The following MBD5 variants were observed in gnomAD, a reference collection of about 807,000 sequenced individuals.
The protein encoded by MBD5 is methyl-CpG-binding domain protein 5.
Under a neutral mutation model 117.3 loss-of-function variants are expected in MBD5, and 13 were observed. The ratio of observed to expected loss-of-function variants is 0.11; its 90% CI spans 0.07 to 0.18. The LOEUF is 0.18. MBD5 is among the 10% of genes least tolerant of loss of function. The probability of loss-of-function intolerance (pLI) is 1.00; values close to 1 mark genes in which losing one functional copy is unlikely to be tolerated. For missense variants in MBD5, 1,879 were observed against 2,093.8 expected (o/e 0.90, Z 2.00); for synonymous variants, 727 against 766.4 (o/e 0.95, Z 0.85).
intron 3 of MBD5, among the ~76,000 whole-genome samples, chr2:148,246,174 A>G (rs75703005): frequency 0.011 from 1,717 of 152,314 alleles, 13 homozygotes; most frequent in East Asian, 0.035. Context: ...CAGATTCTGT[A>G]TAAAGGAATA....
chr2:148,346,206 A>AGAAGAGGAAGAG (rs553570139), intron 4 of MBD5: 2 of 152,306 alleles, frequency 1.3e-5, no homozygotes, highest in African/African-American at 4.8e-5. Context: ...AAGAAGAAGA[A>AGAAGAGGAAGAG]GAAGAGGAAG....
intron 4 of MBD5, among the ~76,000 whole-genome samples, chr2:148,384,600 G>T (rs1265168044): frequency 6.6e-6 from 1 of 151,990 alleles, no homozygotes; most frequent in African/African-American, 2.4e-5. Flanking sequence ...TCATGGAATT[G>T]GAAAAAACTA....
intron 1 of MBD5, among the ~76,000 whole-genome samples, chr2:148,036,223 A>G (rs913374028): frequency 1.3e-5 from 2 of 152,136 alleles, no homozygotes; most frequent in Admixed American, 6.6e-5. Context: ...CTTTTAAAGT[A>G]TAGCAATAAG....
At chr2:148,432,228 G>A (rs1457636642) in intron 4 of MBD5, among the ~76,000 whole-genome samples, 1 of 150,796 alleles carries the variant, frequency 6.6e-6, no homozygotes, top group Non-Finnish European at 1.5e-5. Flanking sequence ...GTTGTTTCTT[G>A]TTCATCTGTT....
chr2:148,211,710 A>C (rs1265843023), intron 2 of MBD5, among the ~76,000 whole-genome samples: 1 of 152,172 alleles, frequency 6.6e-6, no homozygotes, highest in Non-Finnish European at 1.5e-5. Context: ...GGCTTATTTT[A>C]AATACTTTAA....
rs56740583 is a variant in MBD5 at position 148,424,177 on chromosome 2, C to CAAAAAAAAAAAAAAA, written c.-556-34001_-556-33987dup. Among the ~76,000 whole-genome samples, 19 of 53,462 alleles carry CAAAAAAAAAAAAAAA rather than the reference C, an allele frequency of 3.6e-4. 2 individuals are homozygous for CAAAAAAAAAAAAAAA. The highest frequency in any genetic ancestry group is 9.2e-4 in the South Asian group (1 of 1,088). 35.1% of individuals were successfully genotyped at this position (53,462 alleles called of 152,430 possible). ...TGGGCAACAGAGCAAGACTCTGTCTCAAAAAAAAAAAAAAAAAAAAAAAAA... is the reference window on the plus strand; with the variant it reads ...TGGGCAACAGAGCAAGACTCTGTCTCAAAAAAAAAAAAAAAAAAAAAAAAAAAAAAAAAAAAAAAA... On this transcript the variant is annotated intron_variant, in intron 4 of 13. Coordinates refer to ENST00000642680, the MANE Select transcript of MBD5 (RefSeq NM_001378120.1).
intron 1 of MBD5, among the ~76,000 whole-genome samples, chr2:148,036,989 A>G (rs1282410170): frequency 4.0e-5 from 6 of 149,604 alleles, no homozygotes. Flanking sequence ...TTTTAAAGAG[A>G]TAATTATAAA....
chr2:148,031,906 A>C (rs761221434), intron 1 of MBD5, among the ~76,000 whole-genome samples: 61 of 152,292 alleles, frequency 4.0e-4, no homozygotes, highest in Non-Finnish European at 6.9e-4. Context: ...AAATGCTGAA[A>C]GTAACAAAGG....
intron 4 of MBD5, among the ~76,000 whole-genome samples, chr2:148,375,100 C>T (rs148741938): frequency 2.0e-5 from 3 of 152,224 alleles, no homozygotes; most frequent in African/African-American, 7.2e-5. Context: ...TAATACAAGT[C>T]ATCAATGAAA....
intron 4 of MBD5, chr2:148,346,482 G>A (rs1313570438): frequency 6.6e-6 from 1 of 151,956 alleles, no homozygotes; most frequent in African/African-American, 2.4e-5. Flanking sequence ...TTTCTCTATA[G>A]TTTTGTCAAC....
chr2:148,288,027 C>A (rs1187051717), intron 3 of MBD5, among the ~76,000 whole-genome samples: 1 of 150,812 alleles, frequency 6.6e-6, no homozygotes, highest in Non-Finnish European at 1.5e-5. Context: ...AATAACTCAT[C>A]AACTATGGCA....
rs142515288 is a variant in MBD5 at position 148,382,397 on chromosome 2, A to G, written c.-557+40061A>G. Among the ~76,000 whole-genome samples, 1,360 of 152,346 alleles carry G rather than the reference A, an allele frequency of 8.9e-3. 20 individuals carry two copies. Among genetic ancestry groups the G allele is most frequent in the African/African-American group, 0.031 (1,303 of 41,576 alleles). ...TGGTAAAGGGATCAATTCAACAAGA[A>G]GAACTAACTATGCTAAATATATATG... On this transcript the variant is annotated intron_variant, in intron 4 of 13. Transcript: ENST00000642680.
intron 1 of MBD5, among the ~76,000 whole-genome samples, chr2:148,116,933 T>G (rs1468207668): frequency 6.6e-6 from 1 of 152,196 alleles, no homozygotes; most frequent in Non-Finnish European, 1.5e-5. Context: ...AACTACTGAT[T>G]AAGTGTATGA....
Position 148,291,513 on chromosome 2 carries a change from G to A in MBD5, c.-679-50701G>A, listed in dbSNP as rs79328593. Among the ~76,000 whole-genome samples, 1,210 of 152,180 alleles carry A rather than the reference G, an allele frequency of 8.0e-3. 16 individuals carry two copies. The highest frequency in any genetic ancestry group is 0.028 in the African/African-American group (1,143 of 41,536). ...TCAGATTATTCATTGCCCGTTTAGA[G>A]AAAATAACCAATTTTTTTTAACACT... On this transcript the variant is annotated intron_variant, in intron 3 of 13. Transcript: ENST00000642680.
chr2:148,083,271 T>C (rs1180557848), intron 1 of MBD5, among the ~76,000 whole-genome samples: 1 of 152,222 alleles, frequency 6.6e-6, no homozygotes, highest in East Asian at 1.9e-4. Flanking sequence ...GATGGTTAAT[T>C]GGTTTGGCTT....
intron 3 of MBD5, among the ~76,000 whole-genome samples, chr2:148,284,548 G>A (rs1204516856): frequency 3.9e-5 from 6 of 152,148 alleles, no homozygotes; most frequent in Non-Finnish European, 8.8e-5. Flanking sequence ...CCCCTCTCAT[G>A]GAGCCTTGGT....
At chr2:148,220,100 C>G (rs1184974936) in intron 2 of MBD5, 1 of 152,176 alleles carries the variant, frequency 6.6e-6, no homozygotes, top group African/African-American at 2.4e-5. Context: ...TAGCTGAGAA[C>G]TCTTCCCACT....
chr2:148,489,817 A>C lies in MBD5; in HGVS notation c.4185A>C (p.Arg1395Ser), dbSNP rs1203955727. ...ATGATGGTAGGCTGAGGAATTCAAG[A>C]GGGGCTCGGCTGCCCAAGAATCTAG... ...VDHDGRLRNS[R>S]GARLPKNLDH... Residue 1395 changes from arginine (R) to serine (S), a missense_variant, in exon 11 of 14, where the codon AGA becomes AGC. Transcript: ENST00000642680. The C allele has an allele frequency of 6.2e-7, 1 of 1,614,130 alleles. No individual in the cohort carries two copies. Among genetic ancestry groups the C allele is most frequent in the Admixed American group, 1.7e-5 (1 of 60,018 alleles).
chr2:148,185,627 T>C (rs1289757692), intron 2 of MBD5, among the ~76,000 whole-genome samples: 2 of 152,146 alleles, frequency 1.3e-5, no homozygotes, highest in Non-Finnish European at 2.9e-5. Flanking sequence ...GATGCTCAGG[T>C]GTGGTGGCTC....
Sources: allele counts gnomAD v4.1 joint callset (sites outside exome capture counted in the v4.1 genomes callset), GRCh38; gene constraint gnomAD v4.1.1; transcripts MANE v1.5; gene names NCBI Gene and HGNC (gene_info 2026-07-23, HGNC 2026-07-21).